The following SOCS2 variants were observed in gnomAD, a reference collection of about 807,000 sequenced individuals.
The protein encoded by SOCS2 is suppressor of cytokine signaling 2.
SOCS2 carries 10 observed loss-of-function variants against 18.6 expected under a neutral mutation model. The observed-to-expected ratio is 0.54, with a 90% CI of 0.33 to 0.91. The LOEUF is 0.91. SOCS2 is among the 40% of genes least tolerant of loss of function. SOCS2 has a pLI of 0.02. For synonymous variants in SOCS2, 104 were observed against 104.0 expected (o/e 1.00, Z 0.00); for missense variants, 231 against 247.2 (o/e 0.93, Z 0.44).
In SOCS2 at chr12:93,575,607, CT is replaced by C. The variant is rs1954442566; in HGVS notation, c.*429del. 1 of 154,374 alleles carries C rather than the reference CT, an allele frequency of 6.5e-6. No homozygotes were observed. Among genetic ancestry groups the C allele is most frequent in the South Asian group, 2.0e-4 (1 of 4,938 alleles). The allele number at this position is 154,374 out of a possible 1,614,324, so 9.6% of individuals were successfully genotyped here. The stretch of plus-strand genomic sequence containing the variant: ...CAGGCCTCACTGCAATTTGATATGC[CT>C]GCTGATCAGAGTCTCTTGGGCATTT... On this transcript the variant is annotated 3_prime_UTR_variant, in exon 2 of 2. Coordinates refer to ENST00000551556, the MANE Select transcript of SOCS2 (RefSeq NM_001270471.2).
At chr12:93,576,970 C>G (rs1459864251), downstream of SOCS2, among the ~76,000 whole-genome samples, 2 of 152,224 alleles carry the variant, frequency 1.3e-5, no homozygotes, top group Non-Finnish European at 2.9e-5. Flanking sequence ...GTGCTTCATT[C>G]ACCGTTTTTC....
upstream of SOCS2, chr12:93,571,837 C>T (rs775470057): frequency 6.0e-4 from 242 of 404,034 alleles, no homozygotes; most frequent in Non-Finnish European, 1.1e-3. Context: ...CCCCTTTTCC[C>T]CCCACCCCCC....
the SOCS2 span, among the ~76,000 whole-genome samples, chr12:93,591,432 G>T: frequency 6.6e-6 from 1 of 152,106 alleles, no homozygotes; most frequent in East Asian, 1.9e-4. Context: ...TTCGTGTGTG[G>T]CTGTCTGTCT....
At chr12:93,615,649 G>A in the SOCS2 span, among the ~76,000 whole-genome samples, 1 of 152,234 alleles carries the variant, frequency 6.6e-6, no homozygotes, top group Non-Finnish European at 1.5e-5. Flanking sequence ...AGGCTGGAGT[G>A]CAGTGGCACC....
chr12:93,615,106 C>T, the SOCS2 span, among the ~76,000 whole-genome samples: 2 of 152,120 alleles, frequency 1.3e-5, no homozygotes, highest in Non-Finnish European at 2.9e-5. Flanking sequence ...AACCCTCTCC[C>T]CCACTGGGAT....
chr12:93,624,952 T>C, the SOCS2 span, among the ~76,000 whole-genome samples: 1 of 152,238 alleles, frequency 6.6e-6, no homozygotes, highest in African/African-American at 2.4e-5. Flanking sequence ...TTCTCGACTA[T>C]ACCTTATGAG....
chr12:93,616,974 A>G, the SOCS2 span, among the ~76,000 whole-genome samples: 2 of 152,202 alleles, frequency 1.3e-5, no homozygotes, highest in Admixed American at 1.3e-4. Context: ...CACCTAAGGC[A>G]TGGGAATATA....
chr12:93,599,089 A>AT, the SOCS2 span, among the ~76,000 whole-genome samples: 4,548 of 146,582 alleles, frequency 0.031, 178 homozygotes, highest in African/African-American at 0.092. Flanking sequence ...ACTAGTCACT[A>AT]TTTTTTTTGA....
At chr12:93,603,439 GTACAGCCTAAGGCTACAGCC>G in the SOCS2 span, among the ~76,000 whole-genome samples, 3,101 of 152,254 alleles carry the variant, frequency 0.02, 122 homozygotes, top group African/African-American at 0.071. Flanking sequence ...GTCCAAGTTA[GTACAGCCTAAGGCTACAGCC>G]TACGGTTTTG....
chr12:93,605,000 A>G, the SOCS2 span, among the ~76,000 whole-genome samples: 2 of 151,114 alleles, frequency 1.3e-5, no homozygotes, highest in Non-Finnish European at 2.9e-5. Context: ...TCACATGTAT[A>G]GGGTAAAATT....
At chr12:93,596,493 A>G in the SOCS2 span, among the ~76,000 whole-genome samples, 1 of 152,178 alleles carries the variant, frequency 6.6e-6, no homozygotes, top group African/African-American at 2.4e-5. Context: ...AAGACTACCA[A>G]GAGACCCAGG....
downstream of SOCS2, among the ~76,000 whole-genome samples, chr12:93,578,448 G>T (rs1182695726): frequency 6.6e-6 from 1 of 152,106 alleles, no homozygotes; most frequent in Non-Finnish European, 1.5e-5. Context: ...GAGTGGCTGT[G>T]GTTATGTCTA....
At chr12:93,621,971 T>A in the SOCS2 span, among the ~76,000 whole-genome samples, 1 of 152,166 alleles carries the variant, frequency 6.6e-6, no homozygotes, top group Admixed American at 6.6e-5. Context: ...TTATTACTGA[T>A]CTTATTTTAA....
downstream of SOCS2, among the ~76,000 whole-genome samples, chr12:93,584,489 TCTCA>T (rs2136715715): frequency 6.6e-6 from 1 of 152,312 alleles, no homozygotes; most frequent in East Asian, 1.9e-4. Context: ...GCCATGGTTT[TCTCA>T]CTCTTTTGTT....
the SOCS2 span, among the ~76,000 whole-genome samples, chr12:93,615,376 C>T: frequency 3.3e-5 from 5 of 152,222 alleles, no homozygotes; most frequent in African/African-American, 1.2e-4. Context: ...GCACCAATCT[C>T]TCTGGCTTGT....
intron 1 of SOCS2, chr12:93,583,000 G>GTTTTTT (rs11305267): frequency 9.0e-6 from 1 of 111,282 alleles, no homozygotes. Flanking sequence ...TCTGGGTTTT[G>GTTTTTT]TTTTTTTTTT....
upstream of SOCS2, chr12:93,572,545 A>G: frequency 2.2e-6 from 1 of 457,990 alleles, no homozygotes; most frequent in South Asian, 2.0e-5. This position sits in a 1 kb window ranked among gnomAD's most constrained non-coding sequence, Gnocchi z 5.0. Flanking sequence ...CCAGGGCGCT[A>G]ACTGGAAGCT....
At chr12:93,620,338 C>G in the SOCS2 span, among the ~76,000 whole-genome samples, 5 of 152,292 alleles carry the variant, frequency 3.3e-5, no homozygotes, top group African/African-American at 1.2e-4. Flanking sequence ...CTATTGTGGA[C>G]ATTCGGGTGG....
downstream of SOCS2, among the ~76,000 whole-genome samples, chr12:93,587,569 T>C (rs1954592199): frequency 6.6e-6 from 1 of 151,420 alleles, no homozygotes; most frequent in Non-Finnish European, 1.5e-5. Flanking sequence ...TAGTCCCAGC[T>C]ACTTGGGAGG....
Sources: gnomAD v4.1 joint callset for allele counts (sites outside exome capture counted in the v4.1 genomes callset) on GRCh38, gnomAD v4.1.1 for gene constraint, Gnocchi (gnomAD v3.1) non-coding constraint, MANE v1.5 for transcripts, NCBI Gene and HGNC (gene_info 2026-07-23, HGNC 2026-07-21) for gene names.